The following TBC1D32 variants were observed in gnomAD, a reference collection of about 807,000 sequenced individuals.
TBC1D32 encodes protein broad-minded.
Under a neutral mutation model 170.3 loss-of-function variants are expected in TBC1D32, and 151 were observed. The observed-to-expected ratio is 0.89, with a 90% CI of 0.78 to 1.01. TBC1D32 has a LOEUF of 1.01. Ranked by LOEUF, TBC1D32 falls within the 50% of genes least tolerant of loss-of-function variation. The probability of loss-of-function intolerance (pLI) is 0.00; values close to 1 mark genes in which losing one functional copy is unlikely to be tolerated. For missense variants in TBC1D32, 1,464 were observed against 1,457.1 expected (o/e 1.00, Z -0.08); for synonymous variants, 498 against 488.0 (o/e 1.02, Z -0.27).
chr6:121,134,044 A>C (rs1402152126), intron 24 of TBC1D32, among the ~76,000 whole-genome samples: 1 of 152,156 alleles, frequency 6.6e-6, no homozygotes, highest in African/African-American at 2.4e-5. Context: ...GTAAAGACTT[A>C]ATTCGACATT....
intron 19 of TBC1D32, 42 bp from the exon 20 acceptor site, chr6:121,239,230 T>C: frequency 8.2e-7 from 1 of 1,224,654 alleles, no homozygotes; most frequent in Non-Finnish European, 1.2e-6. Context: ...AGCATAATAT[T>C]TCTTTGGATT....
At chr6:121,087,114 TG>T (rs1391417141) in intron 31 of TBC1D32, among the ~76,000 whole-genome samples, 1 of 152,208 alleles carries the variant, frequency 6.6e-6, no homozygotes, top group Admixed American at 6.5e-5. Context: ...TGCAGTTAAC[TG>T]CTCTAATATC....
rs1420970314 is a variant in TBC1D32, at chr6:121,281,582, G to T, written c.1570C>A (p.Leu524Ile). 6.2e-7 allele frequency: 1 copy of T among 1,606,070 alleles called. No individual in the cohort carries two copies. Among genetic ancestry groups the T allele is most frequent in the East Asian group, 2.3e-5 (1 of 44,318 alleles). Residue 524 changes from leucine to isoleucine, a missense_variant, in exon 14 of 32, where the codon CTT becomes ATT. Around this residue, in one of 3 missense-constraint regions of TBC1D32, gnomAD observed 1,363 missense variants for 1,338.1 expected, o/e 1.02. Transcript: ENST00000398212. ...CLYNNIVIET[L>I]LQPIHNLMKG... is the part of the protein sequence containing the mutation. ...ATTAAATTGTGAATAGGCTGAAGAA[G>T]TGTCTCTATTACAATGTTGTTATAT...
intron 26 of TBC1D32, among the ~76,000 whole-genome samples, chr6:121,119,431 A>G (rs2128205497): frequency 6.6e-6 from 1 of 152,284 alleles, no homozygotes; most frequent in Admixed American, 6.5e-5. Context: ...AAGGTGTTTA[A>G]GAATATTTAA....
chr6:121,196,638 GCT>G (rs1490955097), intron 22 of TBC1D32, among the ~76,000 whole-genome samples: 1 of 152,188 alleles, frequency 6.6e-6, no homozygotes, highest in Non-Finnish European at 1.5e-5. Context: ...CAGGGCAGTG[GCT>G]TATGCTCATG....
chr6:121,317,727 C>T (rs1435310176), intron 2 of TBC1D32, 55 bp from the exon 3 acceptor site: 2 of 1,271,578 alleles, frequency 1.6e-6, no homozygotes, highest in African/African-American at 1.5e-5. Context: ...TTAAAACAGT[C>T]AACTAGTTAA....
chr6:121,106,683 A>G (rs773652879), intron 29 of TBC1D32, among the ~76,000 whole-genome samples: 17 of 152,016 alleles, frequency 1.1e-4, no homozygotes, highest in Non-Finnish European at 2.2e-4. Flanking sequence ...AATAATTCAA[A>G]TTGGGAATGA....
chr6:121,185,798 A>C (rs1699606892), intron 22 of TBC1D32, among the ~76,000 whole-genome samples: 1 of 152,098 alleles, frequency 6.6e-6, no homozygotes, highest in African/African-American at 2.4e-5. Flanking sequence ...TTAACAATAA[A>C]AAAAAGTAAG....
At position 121,102,144 on chromosome 6, in the gene TBC1D32, G is replaced by A. The variant is rs551171002; in HGVS notation, c.3465+3879C>T. Among the ~76,000 whole-genome samples, 214 of 152,114 alleles carry A rather than the reference G, an allele frequency of 1.4e-3. 6 individuals carry two copies. In the South Asian group the frequency reaches 0.041, roughly 29 times the overall value. ...CTCATGGATAGGAAGAATCAACACC[G>A]TGAAAATGGCCATACTGCCCGAGGT... On this transcript the variant is annotated intron_variant, in intron 30 of 31. Coordinates refer to ENST00000398212, the MANE Select transcript of TBC1D32 (RefSeq NM_152730.6).
At chr6:121,291,505 C>G (rs1377775531) in intron 12 of TBC1D32, among the ~76,000 whole-genome samples, 1 of 152,002 alleles carries the variant, frequency 6.6e-6, no homozygotes, top group Non-Finnish European at 1.5e-5. Flanking sequence ...ATTTTTACTT[C>G]CCTTAAGAGT....
rs1446121033 is a variant in TBC1D32 at position 121,256,730 on chromosome 6, G to T, written c.1734-445C>A. On this transcript the variant is annotated intron_variant, in intron 15 of 31. Coordinates refer to ENST00000398212, the MANE Select transcript of TBC1D32 (RefSeq NM_152730.6). ...TGTCCTCTGTCAACCAGACTGGAGT[G>T]CAATGGCGCGGTCTTGGCTCACTCT... Among the ~76,000 whole-genome samples the T allele has an allele frequency of 2.7e-5, 4 of 150,882 alleles. No individual in the cohort carries two copies. The East Asian group carries it at 7.8e-4, about 29-fold the overall frequency.
intron 30 of TBC1D32, among the ~76,000 whole-genome samples, chr6:121,091,792 T>A (rs896339421): frequency 6.6e-6 from 1 of 152,088 alleles, no homozygotes; most frequent in Non-Finnish European, 1.5e-5. Flanking sequence ...CCCCAGAACC[T>A]CATAATACAA....
At chr6:121,196,584 C>T (rs1298337199) in intron 22 of TBC1D32, among the ~76,000 whole-genome samples, 1 of 152,210 alleles carries the variant, frequency 6.6e-6, no homozygotes, top group Admixed American at 6.5e-5. Flanking sequence ...GTATTACACA[C>T]AGCATTGCCT....
rs12203967 is a variant in TBC1D32, at chr6:121,256,217, G to A, written c.1802C>T (p.Ser601Phe). The A allele has an allele frequency of 9.3e-6, 15 of 1,613,726 alleles. No individual in the cohort carries two copies. The highest frequency in any genetic ancestry group is 1.3e-5 in the Non-Finnish European group (15 of 1,179,886). Residue 601 changes from serine to phenylalanine, a missense_variant, in exon 16 of 32, where the codon TCT becomes TTT. This residue lies in a region of TBC1D32 where 1,363 missense variants were observed against 1,338.1 expected (regional missense o/e 1.02). Transcript: ENST00000398212. ...AACCACAGGCAACATTTCTGATCCA[G>A]AAAATATAGAAATATCTTCATCGAG... ...KLLDEDISIF[S>F]GSEMLPVVKG... is the part of the protein sequence containing the mutation.
chr6:121,147,129 T>C (rs1341559285), intron 24 of TBC1D32, among the ~76,000 whole-genome samples: 1 of 152,232 alleles, frequency 6.6e-6, no homozygotes, highest in Non-Finnish European at 1.5e-5. Flanking sequence ...GCTGCATCCA[T>C]GTTGCTGCAA....
At chr6:121,114,300 T>A (rs1040491034) in intron 27 of TBC1D32, among the ~76,000 whole-genome samples, 2 of 152,212 alleles carry the variant, frequency 1.3e-5, no homozygotes, top group Admixed American at 6.5e-5. Flanking sequence ...CAGCTATATC[T>A]TATACTGTAA....
In TBC1D32 at chr6:121,246,280, C is replaced by T. The variant is rs563241901; in HGVS notation, c.2019-3941G>A. Among the ~76,000 whole-genome samples the T allele has an allele frequency of 2.0e-5, 3 of 152,094 alleles. No individual in the cohort carries two copies. The East Asian group carries it at 5.8e-4, about 29-fold the overall frequency. The stretch of plus-strand genomic sequence containing the variant: ...GACAGTGCACAAAGATTCTCCATAA[C>T]TAAAGAAATCACACCGACTCTTCAA... On this transcript the variant is annotated intron_variant, in intron 17 of 31. Transcript: ENST00000398212.
At chr6:121,206,476 G>C (rs941360647) in intron 21 of TBC1D32, among the ~76,000 whole-genome samples, 14 of 151,974 alleles carry the variant, frequency 9.2e-5, no homozygotes, top group Middle Eastern at 3.2e-3. Context: ...ATGGTACAAA[G>C]ACTATTTCAT....
intron 30 of TBC1D32, among the ~76,000 whole-genome samples, chr6:121,102,865 T>A (rs1380948441): frequency 6.6e-6 from 1 of 152,068 alleles, no homozygotes; most frequent in Non-Finnish European, 1.5e-5. Flanking sequence ...ATATCCAGAA[T>A]CTACAAAGAA....
Sources: allele counts gnomAD v4.1 joint callset (sites outside exome capture counted in the v4.1 genomes callset), GRCh38; gene constraint gnomAD v4.1.1; regional missense constraint gnomAD v4.1.1; transcripts MANE v1.5; gene names NCBI Gene and HGNC (gene_info 2026-07-23, HGNC 2026-07-21).